RUNX2: variants seen among roughly 807,000 people sequenced by gnomAD.
The protein encoded by RUNX2 is runt-related transcription factor 2.
In RUNX2, 10 loss-of-function variants were observed where a neutral mutation model predicts 51.7. The observed-to-expected ratio is 0.19, with a 90% confidence interval of 0.12 to 0.33. The LOEUF (loss-of-function observed/expected upper bound fraction) is 0.33. Among genes scored for constraint, RUNX2 ranks in the 10% least tolerant of loss-of-function variants. The pLI is 1.00. For synonymous variants in RUNX2, 276 were observed against 273.6 expected (o/e 1.01, Z -0.09); for missense variants, 562 against 691.3 (o/e 0.81, Z 2.10).
chr6:45,528,614 C>T (rs1391012113), intron 7 of RUNX2, among the ~76,000 whole-genome samples: 3 of 151,318 alleles, frequency 2.0e-5, no homozygotes, highest in African/African-American at 7.3e-5. Context: ...GAGGGAGACT[C>T]TGTCTCAAAA....
intron 7 of RUNX2, among the ~76,000 whole-genome samples, chr6:45,516,334 A>G (rs1801319014): frequency 6.6e-6 from 1 of 152,198 alleles, no homozygotes; most frequent in Non-Finnish European, 1.5e-5. Flanking sequence ...AAGAGCACAT[A>G]TAAGTTTGTA....
chr6:45,512,452 C>CG, intron 7 of RUNX2, 45 bp downstream of exon 7: 1 of 1,603,850 alleles, frequency 6.2e-7, no homozygotes, highest in South Asian at 1.1e-5. Flanking sequence ...GCACAGGGGT[C>CG]GGGGGGAGTG....
intron 5 of RUNX2, among the ~76,000 whole-genome samples, chr6:45,480,777 C>T (rs540563222): frequency 1.2e-4 from 19 of 152,276 alleles, no homozygotes; most frequent in Non-Finnish European, 1.6e-4. Flanking sequence ...GTTTTGCAGG[C>T]GTTAAGAAAA....
chr6:45,531,588 A>G (rs1003767825), intron 7 of RUNX2, among the ~76,000 whole-genome samples: 3 of 152,054 alleles, frequency 2.0e-5, no homozygotes, highest in Non-Finnish European at 2.9e-5. Flanking sequence ...CCGCATCTCT[A>G]CTAAAAATAC....
chr6:45,367,186 A>T (rs1795277524), intron 2 of RUNX2, among the ~76,000 whole-genome samples: 1 of 152,156 alleles, frequency 6.6e-6, no homozygotes, highest in African/African-American at 2.4e-5. Flanking sequence ...ATATCCCAAT[A>T]TCCCTCTGGT....
At chr6:45,345,338 A>G (rs970852113) in intron 2 of RUNX2, among the ~76,000 whole-genome samples, 2 of 152,080 alleles carry the variant, frequency 1.3e-5, no homozygotes, top group African/African-American at 4.8e-5. Flanking sequence ...AACCAGAGGG[A>G]CTTTATTATA....
intron 5 of RUNX2, among the ~76,000 whole-genome samples, chr6:45,452,884 T>C (rs1224893172): frequency 6.6e-6 from 1 of 152,176 alleles, no homozygotes; most frequent in East Asian, 1.9e-4. Context: ...CCAAAATAAC[T>C]TGGGCTCCAT....
At chr6:45,403,705 C>G (rs1217663703) in intron 2 of RUNX2, among the ~76,000 whole-genome samples, 2 of 152,012 alleles carry the variant, frequency 1.3e-5, no homozygotes, top group East Asian at 3.8e-4. Flanking sequence ...GTTCCAGGTA[C>G]CAGGGATTCA....
At chr6:45,442,958 TTC>T (rs1300228928) in intron 5 of RUNX2, among the ~76,000 whole-genome samples, 1 of 151,826 alleles carries the variant, frequency 6.6e-6, no homozygotes, top group Non-Finnish European at 1.5e-5. Flanking sequence ...CATGTGGTCT[TTC>T]CCGCTGAGTC....
chr6:45,373,799 C>T (rs1474581514), intron 2 of RUNX2, among the ~76,000 whole-genome samples: 1 of 151,892 alleles, frequency 6.6e-6, no homozygotes, highest in Non-Finnish European at 1.5e-5. Context: ...GTGATCCACC[C>T]ATCTCAGCCT....
intron 5 of RUNX2, among the ~76,000 whole-genome samples, chr6:45,480,375 G>A (rs1800077247): frequency 6.6e-6 from 1 of 152,100 alleles, no homozygotes; most frequent in South Asian, 2.1e-4. Context: ...TTTATTAGGG[G>A]GGTTATTTCA....
chr6:45,509,701 G>T (rs1023736292), intron 6 of RUNX2, among the ~76,000 whole-genome samples: 16 of 152,194 alleles, frequency 1.1e-4, no homozygotes, highest in African/African-American at 3.9e-4. Flanking sequence ...AAGCCCACTT[G>T]TTTCCCACTG....
At chr6:45,365,416 A>C (rs914931202) in intron 2 of RUNX2, 13 of 692,770 alleles carry the variant, frequency 1.9e-5, no homozygotes, top group African/African-American at 1.8e-4. Context: ...TAAATTTCTG[A>C]TTTGTTTTGC....
intron 5 of RUNX2, among the ~76,000 whole-genome samples, chr6:45,458,937 G>T (rs1472596021): frequency 2.6e-5 from 4 of 152,188 alleles, no homozygotes; most frequent in Non-Finnish European, 5.9e-5. Context: ...GAAATGCGTA[G>T]CTGTATTCTC....
intron 7 of RUNX2, among the ~76,000 whole-genome samples, chr6:45,542,169 T>A (rs971169081): frequency 3.3e-5 from 5 of 152,124 alleles, no homozygotes; most frequent in African/African-American, 1.2e-4. Context: ...CCTCTTATCT[T>A]GGTTTCACAC....
At chr6:45,540,629 A>C (rs1802192374) in intron 7 of RUNX2, among the ~76,000 whole-genome samples, 1 of 152,148 alleles carries the variant, frequency 6.6e-6, no homozygotes, top group African/African-American at 2.4e-5. Flanking sequence ...TGCTAGTTTC[A>C]CTCTCTGTTC....
chr6:45,485,113 G>C (rs923887730), intron 5 of RUNX2, among the ~76,000 whole-genome samples: 6 of 151,998 alleles, frequency 3.9e-5, no homozygotes, highest in Admixed American at 2.6e-4. Flanking sequence ...CTGAATGCAT[G>C]GTGGATGAGG....
Position 45,422,750 on chromosome 6 carries a change from G to A in RUNX2, c.216G>A (p.Glu72=), listed in dbSNP as rs767984534. 3 of 1,332,840 alleles carry A rather than the reference G, an allele frequency of 2.3e-6. No individual in the cohort carries two copies. The highest frequency in any genetic ancestry group is 4.9e-5 in the Admixed American group (2 of 40,554). 82.6% of individuals were successfully genotyped at this position (1,332,840 alleles called of 1,614,324 possible). ...AGCAACAGCAGCAGCAGCAGCAGGA[G>A]GCGGCGGCGGCGGCTGCGGCGGCGG... is the stretch of plus-strand genomic sequence containing the variant. ...QQQQQQQQQQ[E]AAAAAAAAAA... Residue 72 remains glutamate (E), a synonymous_variant, in exon 3 of 9, where the codon GAG becomes GAA. Coordinates refer to ENST00000647337, the MANE Select transcript of RUNX2 (RefSeq NM_001024630.4).
Position 45,422,631 on chromosome 6 carries a change from A to G in RUNX2, c.97A>G (p.Ser33Gly), listed in dbSNP as rs1384459632. 12 of 1,605,598 alleles carry G rather than the reference A, an allele frequency of 7.5e-6. No individual in the cohort carries two copies. The highest frequency in any genetic ancestry group is 1.0e-5 in the Non-Finnish European group (12 of 1,177,032). The change falls in exon 3 of 9, where the codon AGC becomes GGC. Residue 33 changes from serine to glycine, a missense_variant. Coordinates refer to ENST00000647337, the MANE Select transcript of RUNX2 (RefSeq NM_001024630.4). ...CCGGCGCTTCAGCCCCCCCTCCAGCAGCCTGCAGCCCGGCAAAATGAGCGA... is the reference window on the plus strand; with the variant it reads ...CCGGCGCTTCAGCCCCCCCTCCAGCGGCCTGCAGCCCGGCAAAATGAGCGA... ...TSRRFSPPSS[S>G]LQPGKMSDVS...
Sources: allele counts gnomAD v4.1 joint callset (sites outside exome capture counted in the v4.1 genomes callset), GRCh38; gene constraint gnomAD v4.1.1; transcripts MANE v1.5; gene names NCBI Gene and HGNC (gene_info 2026-07-23, HGNC 2026-07-21).